The following RFX2 variants were observed in gnomAD, a reference collection of about 807,000 sequenced individuals.
RFX2 encodes regulatory factor X2.
In RFX2, 20 loss-of-function variants were observed where a neutral mutation model predicts 87.8. The ratio of observed to expected loss-of-function variants is 0.23; its 90% CI spans 0.16 to 0.33. The LOEUF (loss-of-function observed/expected upper bound fraction) is 0.33. Ranked by LOEUF, RFX2 falls within the 10% of genes least tolerant of loss-of-function variation. The pLI is 1.00. For missense variants in RFX2, 767 were observed against 1,012.3 expected, an observed-to-expected ratio of 0.76 and a Z score of 3.29; for synonymous variants, 397 against 431.3, an observed-to-expected ratio of 0.92 and a Z score of 0.98.
Position 6,040,399 on chromosome 19 carries a change from G to A in RFX2, c.261-158C>T, listed in dbSNP as rs912768816. On this transcript the variant is annotated intron_variant, in intron 4 of 17. Transcript: ENST00000303657. This position sits in a 1 kb window ranked among gnomAD's most constrained non-coding sequence, Gnocchi z 6.1. ...GTGGCATATGACACTCAAATGCAGC[G>A]CAAGTTCACAGCCACCATGTTGCAA... Among the ~76,000 whole-genome samples the A allele has an allele frequency of 2.0e-5, 3 of 152,186 alleles. No homozygotes were observed. Among genetic ancestry groups the A allele is most frequent in the African/African-American group, 7.2e-5 (3 of 41,442 alleles).
chr19:6,110,482 C>A lies in RFX2; in HGVS notation c.-98G>T. 1 of 153,490 alleles carries A rather than the reference C, an allele frequency of 6.5e-6. No individual in the cohort carries two copies. The highest frequency in any genetic ancestry group is 1.8e-4 in the South Asian group (1 of 5,568). 9.5% of individuals were successfully genotyped at this position (153,490 alleles called of 1,614,324 possible). On this transcript the variant is annotated 5_prime_UTR_variant, in exon 1 of 18. Coordinates refer to ENST00000303657, the MANE Select transcript of RFX2 (RefSeq NM_000635.4). This position sits in a 1 kb window ranked among gnomAD's most constrained non-coding sequence, Gnocchi z 4.3. ...GGTCCCCGTTGGTAAGTAACAGTCTCCACGGCTACAGTCTCTATGGCGGCG... is the reference window on the plus strand; with the variant it reads ...GGTCCCCGTTGGTAAGTAACAGTCTACACGGCTACAGTCTCTATGGCGGCG...
rs754264331 is a variant in RFX2, at chr19:6,013,995, C to T, written c.780-890G>A. Among the ~76,000 whole-genome samples the T allele has an allele frequency of 6.6e-6, 1 of 152,084 alleles. No individual in the cohort carries two copies. Among genetic ancestry groups the T allele is most frequent in the African/African-American group, 2.4e-5 (1 of 41,404 alleles). On this transcript the variant is annotated intron_variant, in intron 7 of 17. Transcript: ENST00000303657. The surrounding 1 kb of genome is among the most constrained non-coding windows in gnomAD (Gnocchi z 4.1). ...CACCCCCTTCAATCATCTAGTAACA[C>T]GTTTTGGAATAAGGCACTGTTTGGG...
Position 6,054,998 on chromosome 19 carries a change from C to A in RFX2, c.-8-7494G>T, listed in dbSNP as rs577762930. Reference sequence around the variant, plus strand: ...GATCCTAATATATCTACATCTATATCTATATATATAAACTCCTACAATTCA... The same window carrying A: ...GATCCTAATATATCTACATCTATATATATATATATAAACTCCTACAATTCA... On this transcript the variant is annotated intron_variant, in intron 1 of 17. Transcript: ENST00000303657. Among the ~76,000 whole-genome samples the A allele has an allele frequency of 1.2e-4, 18 of 152,184 alleles. No individual in the cohort carries two copies. In the South Asian group the frequency reaches 3.3e-3, roughly 28 times the overall value.
intron 1 of RFX2, among the ~76,000 whole-genome samples, chr19:6,077,699 C>T (rs1049691225): frequency 2.6e-5 from 4 of 152,020 alleles, no homozygotes; most frequent in Admixed American, 6.6e-5. Context: ...TAAACGAAGG[C>T]GGCCGGGCGC....
rs2086507117 is a variant in RFX2 at position 6,002,633 on chromosome 19, G to A, written c.1650+88C>T. The A allele has an allele frequency of 3.3e-6, 5 of 1,530,856 alleles. No individual in the cohort carries two copies. Among genetic ancestry groups the A allele is most frequent in the Non-Finnish European group, 4.5e-6 (5 of 1,119,374 alleles). The allele number at this position is 1,530,856 out of a possible 1,614,324, so 94.8% of individuals were successfully genotyped here. A position where few individuals can be genotyped will look rare whatever the true frequency, so the allele number is the denominator to read the frequency against. ...TGGCCAGGCTCGGGGCAGGGGCCAG[G>A]TTGTGCCACGGGCTCCACTTGGTGG... is the stretch of plus-strand genomic sequence containing the variant. On this transcript the variant is annotated intron_variant, in intron 14 of 17. Transcript: ENST00000303657. The surrounding 1 kb of genome is among the most constrained non-coding windows in gnomAD (Gnocchi z 6.7).
intron 1 of RFX2, chr19:6,072,757 G>GA (rs60827844): frequency 0.028 from 16,668 of 587,086 alleles, 980 homozygotes; most frequent in African/African-American, 0.19. Context: ...AGAAAAAAGA[G>GA]AAAAAAAAGG....
intron 1 of RFX2, among the ~76,000 whole-genome samples, chr19:6,093,095 C>T (rs1230148479): frequency 1.3e-5 from 2 of 152,100 alleles, no homozygotes; most frequent in South Asian, 4.1e-4. Flanking sequence ...GGCAAGCTAA[C>T]GCCAAGGGGA....
chr19:5,995,476 G>T, intron 17 of RFX2, 125 bp downstream of exon 17: 2 of 922,948 alleles, frequency 2.2e-6, no homozygotes, highest in South Asian at 1.5e-5. Flanking sequence ...AGATCCCAGG[G>T]CCCTCACCCC....
intron 1 of RFX2, among the ~76,000 whole-genome samples, chr19:6,081,427 C>G (rs186513725): frequency 3.9e-5 from 6 of 152,346 alleles, no homozygotes; most frequent in African/African-American, 9.6e-5. Flanking sequence ...CCAAGTAACA[C>G]TAAGCCCATT....
chr19:6,106,667 G>A (rs10408410), intron 1 of RFX2, among the ~76,000 whole-genome samples: 2,658 of 152,192 alleles, frequency 0.017, 73 homozygotes, highest in African/African-American at 0.059. Flanking sequence ...TTTAGTGAGT[G>A]TCCTGACAAG....
Position 5,994,805 on chromosome 19 carries a change from G to T in RFX2, c.*30C>A. The stretch of plus-strand genomic sequence containing the variant: ...CCAGAGTGACCAGGCGGCATCTTTT[G>T]GAACCTCGAGGAGGCGCCGGCCGGG... On this transcript the variant is annotated 3_prime_UTR_variant, in exon 18 of 18. Coordinates refer to ENST00000303657, the MANE Select transcript of RFX2 (RefSeq NM_000635.4). 6.8e-7 allele frequency: 1 copy of T among 1,464,394 alleles called. No homozygotes were observed. The highest frequency in any genetic ancestry group is 9.5e-7 in the Non-Finnish European group (1 of 1,057,818). The allele number at this position is 1,464,394 out of a possible 1,614,324, so 90.7% of individuals were successfully genotyped here.
intron 4 of RFX2, among the ~76,000 whole-genome samples, chr19:6,041,836 A>T (rs2087112071): frequency 6.6e-6 from 1 of 152,006 alleles, no homozygotes; most frequent in Admixed American, 6.6e-5. Context: ...ATTACCTGGG[A>T]GGGACTCTAG....
chr19:6,023,566 G>GA lies in RFX2; in HGVS notation c.597+2596dup. ...CCTTTGCTTCGAGTCACCAAGCCCG[G>GA]AATCTTACTGATCACAGCTCATGAC... On this transcript the variant is annotated intron_variant, in intron 6 of 17. Transcript: ENST00000303657. This position sits in a 1 kb window ranked among gnomAD's most constrained non-coding sequence, Gnocchi z 4.9. Among the ~76,000 whole-genome samples, 1 of 152,164 alleles carries GA rather than the reference G, an allele frequency of 6.6e-6. No homozygotes were observed. The highest frequency in any genetic ancestry group is 1.5e-5 in the Non-Finnish European group (1 of 68,038).
rs2086457984 is a variant in RFX2, at chr19:5,999,130, C to T, written c.1860-1917G>A. ...AATCAGCCAGGCCTGGTGGTGGGCACCTGTAATCCCAGCTATTCAGGAGGC... is the reference window on the plus strand; with the variant it reads ...AATCAGCCAGGCCTGGTGGTGGGCATCTGTAATCCCAGCTATTCAGGAGGC... On this transcript the variant is annotated intron_variant, in intron 15 of 17. Transcript: ENST00000303657. This position sits in a 1 kb window ranked among gnomAD's most constrained non-coding sequence, Gnocchi z 4.1. Among the ~76,000 whole-genome samples, 1 of 152,084 alleles carries T rather than the reference C, an allele frequency of 6.6e-6. No individual in the cohort carries two copies. The highest frequency in any genetic ancestry group is 2.4e-5 in the African/African-American group (1 of 41,410).
chr19:6,006,554 A>G (rs1284641913), intron 12 of RFX2, among the ~76,000 whole-genome samples: 1 of 144,086 alleles, frequency 6.9e-6, no homozygotes, highest in East Asian at 2.1e-4. Context: ...GGTTAAAGCT[A>G]TTCTCCTGGC....
At chr19:6,052,986 T>C (rs1032642316) in intron 1 of RFX2, among the ~76,000 whole-genome samples, 1 of 152,122 alleles carries the variant, frequency 6.6e-6, no homozygotes, top group Non-Finnish European at 1.5e-5. Context: ...TATATGCTTA[T>C]GTTAGAAAGA....
chr19:5,995,667 G>A (rs1188243924), intron 16 of RFX2, 24 bp from the exon 17 acceptor site: 1 of 1,551,672 alleles, frequency 6.4e-7, no homozygotes. Flanking sequence ...CTGGAGTCAG[G>A]GGCGCCTGCA....
chr19:6,084,216 G>T (rs1337354557), intron 1 of RFX2, among the ~76,000 whole-genome samples: 1 of 152,098 alleles, frequency 6.6e-6, no homozygotes, highest in Non-Finnish European at 1.5e-5. Context: ...AAATATTTAG[G>T]GTCTTTATTA....
rs1568494383 is a variant in RFX2 at position 5,994,839 on chromosome 19, A to G, written c.2168T>C (p.Ile723Thr). ...AGGAGGCGCCGGCCGGGGCTGCTAG[A>G]TGCCCTGCAGGGAGTGGTTGGGGTC... ...RSDPNHSLQG[I>T] Residue 723 changes from isoleucine to threonine, a missense_variant, in exon 18 of 18, where the codon ATC becomes ACC. Transcript: ENST00000303657. 1.2e-6 allele frequency: 2 copies of G among 1,605,918 alleles called. No homozygotes were observed. Among genetic ancestry groups the G allele is most frequent in the Non-Finnish European group, 1.7e-6 (2 of 1,176,574 alleles).
Sources: gnomAD v4.1 joint callset for allele counts (sites outside exome capture counted in the v4.1 genomes callset) on GRCh38, gnomAD v4.1.1 for gene constraint, Gnocchi (gnomAD v3.1) non-coding constraint, MANE v1.5 for transcripts, NCBI Gene and HGNC (gene_info 2026-07-23, HGNC 2026-07-21) for gene names.